The following ANK2 variants were observed in gnomAD, a reference collection of about 807,000 sequenced individuals.
ANK2 encodes ankyrin 2, also known as ankyrin-2.
ANK2 carries 83 observed loss-of-function variants against 360.5 expected under a neutral mutation model. The ratio of observed to expected loss-of-function variants is 0.23; its 90% CI spans 0.19 to 0.28. The LOEUF (loss-of-function observed/expected upper bound fraction) is 0.28, where lower values mean the gene tolerates loss of function less well. ANK2 is among the 10% of genes least tolerant of loss of function. The pLI is 1.00. For synonymous variants in ANK2, 1,740 were observed against 1,759.5 expected (o/e 0.99, Z 0.28); for missense variants, 4,201 against 4,795.7 (o/e 0.88, Z 3.66).
At chr4:113,031,638 T>C (rs974184643) in intron 2 of ANK2, among the ~76,000 whole-genome samples, 3 of 151,054 alleles carry the variant, frequency 2.0e-5, no homozygotes, top group Non-Finnish European at 4.4e-5. Flanking sequence ...AAACCTTAAG[T>C]AGACCAGTGG....
rs892076982 is a variant in ANK2, at chr4:112,878,298, T to C, written c.-39-26157T>C. ...TTGAAGCTTTCTCTTTCTGTTGTGG[T>C]TCTTTTATTTGTTTATTTATTTAAT... On this transcript the variant is annotated intron_variant, in intron 1 of 30. Coordinates refer to the ANK2 transcript ENST00000503271. Among the ~76,000 whole-genome samples the C allele has an allele frequency of 1.7e-4, 26 of 151,980 alleles. 1 individual carries two copies. The highest frequency in any genetic ancestry group is 4.4e-5 in the Non-Finnish European group (3 of 67,986).
Position 113,359,176 on chromosome 4 carries a change from C to T in ANK2, c.10558C>T (p.Pro3520Ser), listed in dbSNP as rs2096037224. 6.2e-7 allele frequency: 1 copy of T among 1,613,130 alleles called. No homozygotes were observed. Among genetic ancestry groups the T allele is most frequent in the African/African-American group, 1.3e-5 (1 of 74,886 alleles). ...ALEVSVIENLPPVETEHSVPE... is the reference protein window; with the variant it reads ...ALEVSVIENLSPVETEHSVPE... ...GGAAGTATCAGTAATTGAAAATCTG[C>T]CACCTGTTGAGACCGAGCACTCAGT... Residue 3520 changes from proline to serine, a missense_variant, in exon 38 of 46, where the codon CCA (proline) becomes TCA (serine). Physicochemically the swap from Pro to Ser is moderately conservative, Grantham distance 74 (BLOSUM62 -1). Coordinates refer to ENST00000357077, the MANE Select transcript of ANK2 (RefSeq NM_001148.6).
chr4:113,288,397 A>G lies in ANK2; in HGVS notation c.2188A>G (p.Thr730Ala), dbSNP rs1429390466. 6.2e-7 allele frequency: 1 copy of G among 1,613,574 alleles called. No individual in the cohort carries two copies. The stretch of plus-strand genomic sequence containing the variant: ...TTATTATTATTTACAGCTTGGTTAC[A>G]CACCTTTAATTGTGGCCTGTCACTA... ...DQDAHTKLGY[T>A]PLIVACHYGN... The change falls in exon 20 of 46, where the codon ACA (threonine) becomes GCA (alanine). Residue 730 changes from threonine to alanine, a missense_variant. Thr to Ala is a moderately conservative substitution (Grantham distance 58, BLOSUM62 0). Transcript: ENST00000357077.
intron 2 of ANK2, among the ~76,000 whole-genome samples, chr4:113,002,769 T>C (rs1288975192): frequency 6.6e-6 from 1 of 152,236 alleles, no homozygotes; most frequent in East Asian, 1.9e-4. Context: ...TGACAGGACA[T>C]AAAGCTCTCT....
At chr4:112,940,907 G>A (rs1393119511) in intron 2 of ANK2, among the ~76,000 whole-genome samples, 3 of 152,034 alleles carry the variant, frequency 2.0e-5, no homozygotes, top group African/African-American at 4.8e-5. Flanking sequence ...AATCACAGCC[G>A]CTAATGCTCA....
chr4:113,301,669 AG>A (rs1418664945), intron 22 of ANK2, among the ~76,000 whole-genome samples: 2 of 152,236 alleles, frequency 1.3e-5, no homozygotes, highest in East Asian at 3.9e-4. Context: ...GGTCACCACC[AG>A]GTGTCTATTC....
intron 2 of ANK2, among the ~76,000 whole-genome samples, chr4:112,936,053 G>A (rs112396889): frequency 3.9e-5 from 6 of 152,350 alleles, no homozygotes; most frequent in African/African-American, 1.4e-4. Context: ...CTGTTGCTAA[G>A]TTAATCTGTC....
At chr4:113,289,760 T>C (rs1456980798) in intron 20 of ANK2, among the ~76,000 whole-genome samples, 1 of 152,244 alleles carries the variant, frequency 6.6e-6, no homozygotes, top group African/African-American at 2.4e-5. Flanking sequence ...TTTAAACTTA[T>C]AATCTTACTC....
At chr4:112,902,325 C>A (rs1362465614) in intron 1 of ANK2, among the ~76,000 whole-genome samples, 8 of 152,188 alleles carry the variant, frequency 5.3e-5, no homozygotes, top group African/African-American at 1.9e-4. Flanking sequence ...TCAGATGGAA[C>A]ACTTTGCTCA....
chr4:112,946,804 C>T (rs143750555), intron 2 of ANK2, among the ~76,000 whole-genome samples: 1,880 of 152,228 alleles, frequency 0.012, 41 homozygotes, highest in African/African-American at 0.043. Flanking sequence ...TGACTGAAAC[C>T]TGAAGAGATT....
chr4:113,181,079 G>A (rs532747029), intron 2 of ANK2, among the ~76,000 whole-genome samples: 11 of 152,294 alleles, frequency 7.2e-5, no homozygotes, highest in Middle Eastern at 6.8e-3. Flanking sequence ...AGTAAATCCA[G>A]TAGAGAGTTT....
chr4:113,288,773 T>C (rs2066033226), intron 20 of ANK2, among the ~76,000 whole-genome samples: 8 of 152,222 alleles, frequency 5.3e-5, no homozygotes, highest in Admixed American at 5.2e-4. Context: ...AACATCTTGA[T>C]GTTCTGGCAG....
upstream of ANK2, among the ~76,000 whole-genome samples, chr4:112,813,052 A>G (rs1423279091): frequency 6.6e-6 from 1 of 152,064 alleles, no homozygotes; most frequent in Non-Finnish European, 1.5e-5. Context: ...AGCCTGGCCA[A>G]CATAGTGAAA....
chr4:112,871,965 T>G (rs778247733), intron 1 of ANK2, among the ~76,000 whole-genome samples: 15 of 152,256 alleles, frequency 9.9e-5, no homozygotes, highest in South Asian at 4.1e-4. Context: ...TGATATAGAA[T>G]CCTTTATATG....
At chr4:113,302,023 T>A (rs1224366729) in intron 22 of ANK2, among the ~76,000 whole-genome samples, 2 of 152,244 alleles carry the variant, frequency 1.3e-5, no homozygotes, top group Non-Finnish European at 2.9e-5. Context: ...TATGAAGTAC[T>A]TTTCTATCCT....
At chr4:112,973,445 C>T (rs1444692277) in intron 2 of ANK2, among the ~76,000 whole-genome samples, 2 of 152,208 alleles carry the variant, frequency 1.3e-5, no homozygotes, top group African/African-American at 4.8e-5. Context: ...TCTTTGACTG[C>T]AGAGCTTCTG....
At chr4:112,939,431 TC>T (rs1234871715) in intron 2 of ANK2, among the ~76,000 whole-genome samples, 9 of 152,078 alleles carry the variant, frequency 5.9e-5, no homozygotes, top group Non-Finnish European at 2.9e-5. Flanking sequence ...TGTCTCAGCC[TC>T]CCAAGTAGCT....
At chr4:112,758,677 G>A in the ANK2 span, among the ~76,000 whole-genome samples, 1 of 152,164 alleles carries the variant, frequency 6.6e-6, no homozygotes, top group Non-Finnish European at 1.5e-5. Context: ...AGCCTCCCAA[G>A]CTGTTGGGAT....
chr4:113,076,542 T>C (rs939067582), intron 1 of ANK2, among the ~76,000 whole-genome samples: 9 of 152,200 alleles, frequency 5.9e-5, no homozygotes, highest in African/African-American at 2.2e-4. Context: ...CACAGTGTAA[T>C]GCCAGCACTT....
Sources: gnomAD v4.1 joint callset for allele counts (sites outside exome capture counted in the v4.1 genomes callset) on GRCh38, gnomAD v4.1.1 for gene constraint, MANE v1.5 for transcripts, NCBI Gene and HGNC (gene_info 2026-07-23, HGNC 2026-07-21) for gene names.